The following RALGPS1 variants were observed in gnomAD, a reference collection of about 807,000 sequenced individuals.
RALGPS1 encodes ras-specific guanine nucleotide-releasing factor RalGPS1.
Under a neutral mutation model 78.8 loss-of-function variants are expected in RALGPS1, and 19 were observed. That is an observed-to-expected ratio of 0.24 (90% CI 0.17 to 0.35). The LOEUF is 0.35. RALGPS1 is among the 10% of genes least tolerant of loss of function. The pLI is 1.00. For synonymous variants in RALGPS1, 228 were observed against 256.3 expected (o/e 0.89, Z 1.06); for missense variants, 454 against 688.3 (o/e 0.66, Z 3.81).
intron 18 of RALGPS1, chr9:127,217,529 C>G: frequency 1.5e-6 from 1 of 683,858 alleles, no homozygotes; most frequent in Non-Finnish European, 1.8e-6. Flanking sequence ...ACTGAATACA[C>G]TTAAACCTTA....
intron 8 of RALGPS1, among the ~76,000 whole-genome samples, chr9:127,103,131 A>G (rs1335288674): frequency 6.6e-6 from 1 of 152,262 alleles, no homozygotes; most frequent in Non-Finnish European, 1.5e-5. Flanking sequence ...CTTGACCTCC[A>G]GAAAGAATGG....
chr9:126,990,746 G>A (rs1314877659), intron 4 of RALGPS1, among the ~76,000 whole-genome samples: 1 of 152,114 alleles, frequency 6.6e-6, no homozygotes, highest in Admixed American at 6.5e-5. Flanking sequence ...GAAATATTAC[G>A]ACTTTTAAAA....
chr9:127,172,787 A>AGAG (rs1281005223), intron 10 of RALGPS1, among the ~76,000 whole-genome samples: 2 of 150,980 alleles, frequency 1.3e-5, no homozygotes, highest in African/African-American at 2.4e-5. Context: ...TGTTTGTAAT[A>AGAG]AGTTGTTCCA....
At chr9:127,195,840 T>C (rs1020288567) in intron 12 of RALGPS1, among the ~76,000 whole-genome samples, 9 of 140,494 alleles carry the variant, frequency 6.4e-5, no homozygotes, top group Admixed American at 2.8e-4. Context: ...CTTTCCTACC[T>C]ACCTACCTAC....
intron 1 of RALGPS1, among the ~76,000 whole-genome samples, chr9:126,940,055 C>T (rs531795447): frequency 6.6e-6 from 1 of 152,296 alleles, no homozygotes; most frequent in African/African-American, 2.4e-5. Flanking sequence ...TGTGGCTACT[C>T]ATCCAAGCCA....
Position 127,091,894 on chromosome 9 carries a change from T to C in RALGPS1, c.610+22538T>C. ...GCCTTGGTTCGTCAGCCAGTAAATG[T>C]TCTCCAGGCCCAGCCAGTATTCGCC... On this transcript the variant is annotated intron_variant, in intron 8 of 18. Coordinates refer to ENST00000259351, the MANE Select transcript of RALGPS1 (RefSeq NM_014636.3). The surrounding 1 kb of genome is among the most constrained non-coding windows in gnomAD (Gnocchi z 4.3). 12 of 1,614,150 alleles carry C rather than the reference T, an allele frequency of 7.4e-6. No individual in the cohort carries two copies. Among genetic ancestry groups the C allele is most frequent in the Non-Finnish European group, 1.0e-5 (12 of 1,180,028 alleles).
Position 127,009,544 on chromosome 9 carries a change from G to T in RALGPS1, c.217-24887G>T, listed in dbSNP as rs78085348. On this transcript the variant is annotated intron_variant, in intron 4 of 18. Transcript: ENST00000259351. Reference sequence around the variant, plus strand: ...AATGGTCACGGATATCTTTATTTGTGTTTCTTTGATCTAGGCCCTAGGAGA... The same window carrying T: ...AATGGTCACGGATATCTTTATTTGTTTTTCTTTGATCTAGGCCCTAGGAGA... Among the ~76,000 whole-genome samples the T allele has an allele frequency of 3.0e-3, 455 of 152,276 alleles. 8 individuals carry two copies. The highest frequency in any genetic ancestry group is 0.029 in the East Asian group (152 of 5,190).
chr9:127,181,312 G>A (rs746459192), intron 11 of RALGPS1, among the ~76,000 whole-genome samples: 2 of 152,230 alleles, frequency 1.3e-5, no homozygotes, highest in Non-Finnish European at 2.9e-5. Context: ...AAGCACCATC[G>A]TAAGTGCTTG....
chr9:127,088,915 G>A (rs2275405), intron 8 of RALGPS1: 11 of 1,613,974 alleles, frequency 6.8e-6, no homozygotes, highest in South Asian at 2.2e-5. Context: ...CAATGGCCAC[G>A]AGAGGTCAGG....
At chr9:127,007,864 A>G (rs1029339061) in intron 4 of RALGPS1, among the ~76,000 whole-genome samples, 1 of 152,096 alleles carries the variant, frequency 6.6e-6, no homozygotes, top group Non-Finnish European at 1.5e-5. Context: ...GAGAGCTTTG[A>G]TTAGATTTGC....
intron 2 of RALGPS1, 107 bp from the exon 3 acceptor site, chr9:126,965,737 A>G: frequency 1.3e-6 from 1 of 783,648 alleles, no homozygotes; most frequent in Non-Finnish European, 2.1e-6. Context: ...GCCATTTTTT[A>G]TTGTACTATT....
At chr9:126,986,630 G>A (rs2041827833) in intron 4 of RALGPS1, among the ~76,000 whole-genome samples, 1 of 152,224 alleles carries the variant, frequency 6.6e-6, no homozygotes, top group Non-Finnish European at 1.5e-5. Context: ...TGGTCTAAAT[G>A]TCAGAACTGT....
chr9:127,073,224 A>G (rs560417463), intron 8 of RALGPS1, among the ~76,000 whole-genome samples: 8 of 152,132 alleles, frequency 5.3e-5, no homozygotes, highest in African/African-American at 1.9e-4. Flanking sequence ...ACCTCTCTTT[A>G]TTCCTCCTTC....
At chr9:126,915,335 CGGCGGGGCTGCCGTG>C (rs1169028444) in intron 1 of RALGPS1, 1 of 66,838 alleles carries the variant, frequency 1.5e-5, no homozygotes, top group Non-Finnish European at 2.9e-5. Context: ...GGGGCGGGGC[CGGCGGGGCTGCCGTG>C]GGCGGGGCTG....
intron 8 of RALGPS1, among the ~76,000 whole-genome samples, chr9:127,138,784 G>A (rs7870646): frequency 0.049 from 7,475 of 152,136 alleles, 640 homozygotes; most frequent in African/African-American, 0.17. Flanking sequence ...AGGACTCCAT[G>A]GAGCTCATTA....
At chr9:127,125,495 C>G (rs1327664204) in intron 8 of RALGPS1, among the ~76,000 whole-genome samples, 1 of 152,216 alleles carries the variant, frequency 6.6e-6, no homozygotes, top group Non-Finnish European at 1.5e-5. Flanking sequence ...TGCTACTACT[C>G]CCAGGGTTAC....
intron 8 of RALGPS1, among the ~76,000 whole-genome samples, chr9:127,162,797 C>G (rs890113764): frequency 2.6e-5 from 4 of 152,194 alleles, no homozygotes; most frequent in African/African-American, 9.7e-5. Flanking sequence ...CACAGGGCAG[C>G]ACAGGGTGCA....
Position 127,219,199 on chromosome 9 carries a change from CACAGGGCTG to C in RALGPS1, c.*431_*439del. ...CCCCAAGTGCATGGGGTTGCTCGCCCACAGGGCTGCCTCAGATTTTGTACAACCCCGAAG... is the reference window on the plus strand; with the variant it reads ...CCCCAAGTGCATGGGGTTGCTCGCCCCCTCAGATTTTGTACAACCCCGAAG... On this transcript the variant is annotated 3_prime_UTR_variant, in exon 19 of 19. Transcript: ENST00000259351. The surrounding 1 kb of genome is among the most constrained non-coding windows in gnomAD (Gnocchi z 5.0). The C allele has an allele frequency of 4.2e-6, 1 of 237,074 alleles. No homozygotes were observed. Among genetic ancestry groups the C allele is most frequent in the Non-Finnish European group, 8.4e-6 (1 of 118,736 alleles). 14.7% of individuals were successfully genotyped at this position (237,074 alleles called of 1,614,324 possible).
At chr9:127,053,807 T>G (rs1181018940) in intron 7 of RALGPS1, among the ~76,000 whole-genome samples, 1 of 152,224 alleles carries the variant, frequency 6.6e-6, no homozygotes, top group Non-Finnish European at 1.5e-5. Flanking sequence ...AAAATGAGCC[T>G]TGTTTCTTTA....
Sources: gnomAD v4.1 joint callset for allele counts (sites outside exome capture counted in the v4.1 genomes callset) on GRCh38, gnomAD v4.1.1 for gene constraint, Gnocchi (gnomAD v3.1) non-coding constraint, MANE v1.5 for transcripts, NCBI Gene and HGNC (gene_info 2026-07-23, HGNC 2026-07-21) for gene names.